The following STXBP4 variants were observed in gnomAD, a reference collection of about 807,000 sequenced individuals.
STXBP4 encodes syntaxin binding protein 4.
Under a neutral mutation model 76.1 loss-of-function variants are expected in STXBP4, and 55 were observed. The ratio of observed to expected loss-of-function variants is 0.72; its 90% CI spans 0.58 to 0.91. The LOEUF (loss-of-function observed/expected upper bound fraction) is 0.91. STXBP4 is among the 40% of genes least tolerant of loss of function. The pLI is 0.00. For synonymous variants in STXBP4, 201 were observed against 220.2 expected (o/e 0.91, Z 0.77); for missense variants, 618 against 636.9 (o/e 0.97, Z 0.32).
intron 1 of STXBP4, among the ~76,000 whole-genome samples, chr17:54,983,497 C>G (rs2077579130): frequency 6.6e-6 from 1 of 152,116 alleles, no homozygotes; most frequent in African/African-American, 2.4e-5. Context: ...TGCTTTTGAG[C>G]AAGGTGTTAC....
chr17:54,971,697 G>T (rs763479249), intron 1 of STXBP4, among the ~76,000 whole-genome samples: 2 of 152,060 alleles, frequency 1.3e-5, no homozygotes, highest in Non-Finnish European at 2.9e-5. Flanking sequence ...TTTAATCCAG[G>T]ATTACTCGTT....
At chr17:55,120,218 A>G (rs1450723632) in intron 16 of STXBP4, among the ~76,000 whole-genome samples, 2 of 152,180 alleles carry the variant, frequency 1.3e-5, no homozygotes, top group Non-Finnish European at 2.9e-5. Flanking sequence ...TTATTGTTCT[A>G]TACATTTAGC....
At chr17:55,051,933 T>C (rs1250389238) in intron 12 of STXBP4, among the ~76,000 whole-genome samples, 1 of 152,134 alleles carries the variant, frequency 6.6e-6, no homozygotes, top group Non-Finnish European at 1.5e-5. Context: ...GGCTATGTCC[T>C]GATACACCCA....
At chr17:55,117,323 C>A (rs2079792412) in intron 16 of STXBP4, among the ~76,000 whole-genome samples, 1 of 151,842 alleles carries the variant, frequency 6.6e-6, no homozygotes, top group African/African-American at 2.4e-5. Flanking sequence ...CAGATTTCAG[C>A]CTTTCCTCTT....
At chr17:55,190,850 T>C in the STXBP4 span, among the ~76,000 whole-genome samples, 19 of 152,092 alleles carry the variant, frequency 1.2e-4, no homozygotes, top group African/African-American at 4.6e-4. Context: ...GATAAAGAAA[T>C]TAACGTGTTC....
At chr17:55,018,070 G>C (rs1174429356) in intron 8 of STXBP4, among the ~76,000 whole-genome samples, 1 of 152,132 alleles carries the variant, frequency 6.6e-6, no homozygotes, top group Admixed American at 6.5e-5. Flanking sequence ...CAAGCCTCGT[G>C]TTCTCTGACC....
chr17:55,124,225 G>A (rs2079879893), intron 16 of STXBP4, among the ~76,000 whole-genome samples: 2 of 152,142 alleles, frequency 1.3e-5, no homozygotes, highest in African/African-American at 4.8e-5. Flanking sequence ...GACAGGCTGT[G>A]AGGTTGGAAG....
Position 55,172,136 on chromosome 17 carries a change from C to G in STXBP4, c.*12225C>G. 1 of 152,330 alleles carries G rather than the reference C, an allele frequency of 6.6e-6. No individual in the cohort carries two copies. Among genetic ancestry groups the G allele is most frequent in the South Asian group, 2.1e-4 (1 of 4,822 alleles). The allele number at this position is 152,330 out of a possible 1,614,324, so 9.4% of individuals were successfully genotyped here. A position where few individuals can be genotyped will look rare whatever the true frequency, so the allele number is the denominator to read the frequency against. ...CAACTGTAGGTAAGGTTTGACTCAT[C>G]TGGGTTAGTAGTAAGAACAAACTTC... is the stretch of plus-strand genomic sequence containing the variant. On this transcript the variant is annotated 3_prime_UTR_variant, in exon 18 of 18. Coordinates refer to ENST00000376352, the MANE Select transcript of STXBP4 (RefSeq NM_178509.6).
intron 8 of STXBP4, among the ~76,000 whole-genome samples, chr17:55,021,775 A>G (rs568410436): frequency 6.6e-6 from 1 of 152,356 alleles, no homozygotes; most frequent in African/African-American, 2.4e-5. Flanking sequence ...CACATAAATT[A>G]TAAAATGTTA....
chr17:55,117,288 T>A (rs1027395863), intron 16 of STXBP4, among the ~76,000 whole-genome samples: 2 of 151,848 alleles, frequency 1.3e-5, no homozygotes, highest in African/African-American at 4.8e-5. Context: ...AGCTGTCCAT[T>A]TCTATTACAT....
rs552848528 is a variant in STXBP4 at position 55,161,125 on chromosome 17, C to T, written c.*1214C>T. 5 of 152,346 alleles carry T rather than the reference C, an allele frequency of 3.3e-5. 1 individual carries two copies. In the South Asian group the frequency reaches 1.0e-3, roughly 32 times the overall value. 9.4% of individuals were successfully genotyped at this position (152,346 alleles called of 1,614,324 possible). On this transcript the variant is annotated 3_prime_UTR_variant, in exon 18 of 18. Transcript: ENST00000376352. The stretch of plus-strand genomic sequence containing the variant: ...AGTTGAGTAAACTGAGATCTTAAGT[C>T]TCCTAGTCTACTGAATTTCATATGG...
chr17:55,185,031 A>G, the STXBP4 span, among the ~76,000 whole-genome samples: 2 of 151,962 alleles, frequency 1.3e-5, no homozygotes, highest in African/African-American at 2.4e-5. Flanking sequence ...CCACCAGGCC[A>G]GGATAATTTT....
chr17:55,052,260 C>T (rs980057219), intron 12 of STXBP4, among the ~76,000 whole-genome samples: 9 of 152,076 alleles, frequency 5.9e-5, no homozygotes, highest in Admixed American at 2.0e-4. Context: ...AAAATAAGGA[C>T]GTGCTCAAAA....
chr17:55,012,737 A>C (rs1032403964), intron 8 of STXBP4, among the ~76,000 whole-genome samples: 2 of 152,128 alleles, frequency 1.3e-5, no homozygotes, highest in Admixed American at 6.5e-5. Context: ...ACTTTCAAAT[A>C]TTCCATTATC....
intron 16 of STXBP4, among the ~76,000 whole-genome samples, chr17:55,086,577 CCT>C (rs1288527552): frequency 6.6e-6 from 1 of 152,058 alleles, no homozygotes; most frequent in Non-Finnish European, 1.5e-5. Flanking sequence ...TCTCTAGTAC[CCT>C]CTGTTCTACT....
the STXBP4 span, among the ~76,000 whole-genome samples, chr17:55,201,053 C>T: frequency 6.6e-6 from 1 of 152,032 alleles, no homozygotes; most frequent in Admixed American, 6.6e-5. Flanking sequence ...TGGACATTTC[C>T]CCATGGTCAA....
intron 12 of STXBP4, among the ~76,000 whole-genome samples, chr17:55,050,755 C>T (rs1445342115): frequency 6.6e-6 from 1 of 152,198 alleles, no homozygotes; most frequent in Non-Finnish European, 1.5e-5. Context: ...GCAACCTCCA[C>T]CTCCCGGGTA....
chr17:55,035,690 G>T (rs987435652), intron 10 of STXBP4, among the ~76,000 whole-genome samples: 1 of 151,652 alleles, frequency 6.6e-6, no homozygotes, highest in Non-Finnish European at 1.5e-5. Flanking sequence ...TCATTTTTAT[G>T]AACATATTAA....
intron 16 of STXBP4, among the ~76,000 whole-genome samples, chr17:55,090,073 A>T (rs564324415): frequency 6.6e-6 from 1 of 152,250 alleles, no homozygotes; most frequent in African/African-American, 2.4e-5. Flanking sequence ...GACTGGCAGG[A>T]ACCCTGGCAG....
Sources: gnomAD v4.1 joint callset for allele counts (sites outside exome capture counted in the v4.1 genomes callset) on GRCh38, gnomAD v4.1.1 for gene constraint, MANE v1.5 for transcripts, NCBI Gene and HGNC (gene_info 2026-07-23, HGNC 2026-07-21) for gene names.